CSMD2: variants seen among roughly 807,000 people sequenced by gnomAD.
The protein encoded by CSMD2 is CUB and Sushi multiple domains 2, also known as CUB and sushi domain-containing protein 2.
In CSMD2, 130 loss-of-function variants were observed where a neutral mutation model predicts 398.5. That is an observed-to-expected ratio of 0.33 (90% confidence interval 0.28 to 0.38). CSMD2 has a LOEUF of 0.38. CSMD2 is among the 10% of genes least tolerant of loss of function. The pLI is 1.00. For synonymous variants in CSMD2, 1,828 were observed against 1,908.5 expected (o/e 0.96, Z 1.10); for missense variants, 3,829 against 4,764.9 (o/e 0.80, Z 5.78).
intron 15 of CSMD2, among the ~76,000 whole-genome samples, chr1:33,727,916 C>T (rs1476399753): frequency 6.6e-6 from 1 of 152,160 alleles, no homozygotes; most frequent in East Asian, 1.9e-4. Flanking sequence ...ACTGCCATCA[C>T]CACTGCCATT....
At chr1:33,683,180 T>C (rs1644962100) in intron 25 of CSMD2, among the ~76,000 whole-genome samples, 1 of 152,126 alleles carries the variant, frequency 6.6e-6, no homozygotes, top group Non-Finnish European at 1.5e-5. Flanking sequence ...TTCGCATTCC[T>C]TTCTTACCTT....
intron 48 of CSMD2, among the ~76,000 whole-genome samples, chr1:33,579,587 C>T (rs897900953): frequency 1.2e-4 from 18 of 152,028 alleles, no homozygotes; most frequent in Non-Finnish European, 2.2e-4. Flanking sequence ...GCTGGTCTTG[C>T]AAGTAGGAGA....
In CSMD2 at chr1:33,818,865, G is replaced by A. The variant is rs16835955; in HGVS notation, c.1324+848C>T. 5.6e-3 allele frequency among the ~76,000 whole-genome samples: 854 copies of A among 152,286 alleles called. 6 individuals are homozygous for A. The highest frequency in any genetic ancestry group is 0.02 in the African/African-American group (828 of 41,550). Reference sequence around the variant, plus strand: ...TTTCCTGGATCCTCTTACTCTGCATGAATTTTATCTTGATGCATATGCCAA... The same window carrying A: ...TTTCCTGGATCCTCTTACTCTGCATAAATTTTATCTTGATGCATATGCCAA... On this transcript the variant is annotated intron_variant, in intron 9 of 70. Coordinates refer to ENST00000373381, the MANE Select transcript of CSMD2 (RefSeq NM_001281956.2).
chr1:34,154,516 C>T (rs1010065499), intron 1 of CSMD2, among the ~76,000 whole-genome samples: 11 of 151,956 alleles, frequency 7.2e-5, no homozygotes, highest in South Asian at 4.2e-4. Flanking sequence ...GGAACAGATA[C>T]GTAAAACGTG....
chr1:33,887,399 T>C (rs1362133313), intron 5 of CSMD2, among the ~76,000 whole-genome samples: 2 of 152,142 alleles, frequency 1.3e-5, no homozygotes, highest in Non-Finnish European at 2.9e-5. Flanking sequence ...GGGTTTATAA[T>C]AACAGAGAAA....
Position 34,035,522 on chromosome 1 carries a change from G to T in CSMD2, c.405-2816C>A, listed in dbSNP as rs182746913. Among the ~76,000 whole-genome samples the T allele has an allele frequency of 2.0e-4, 31 of 152,276 alleles. No homozygotes were observed. In the East Asian group the frequency reaches 5.0e-3, roughly 25 times the overall value. Reference sequence around the variant, plus strand: ...TTTTACACCATAACCAAGTGGGGTTGTGTCTAAAGATGCAAGGCTGGTTCA... The same window carrying T: ...TTTTACACCATAACCAAGTGGGGTTTTGTCTAAAGATGCAAGGCTGGTTCA... On this transcript the variant is annotated intron_variant, in intron 2 of 70. Coordinates refer to ENST00000373381, the MANE Select transcript of CSMD2 (RefSeq NM_001281956.2).
rs755473227 is a variant in CSMD2, at chr1:33,751,523, T to C, written c.1847-7917A>G. Among the ~76,000 whole-genome samples, 73 of 151,992 alleles carry C rather than the reference T, an allele frequency of 4.8e-4. 1 individual carries two copies. Among genetic ancestry groups the C allele is most frequent in the Non-Finnish European group, 9.1e-4 (62 of 68,006 alleles). On this transcript the variant is annotated intron_variant, in intron 13 of 70. Transcript: ENST00000373381. ...TAACAGGGTACTGGGAGGTGAGAAA[T>C]GAACACAGCAAGGGTACATAGACAT...
intron 32 of CSMD2, among the ~76,000 whole-genome samples, chr1:33,627,442 C>A (rs911054602): frequency 1.3e-5 from 2 of 152,116 alleles, no homozygotes; most frequent in African/African-American, 4.8e-5. Context: ...CTGCTGCCCC[C>A]CTGCAGCCTC....
In CSMD2 at chr1:33,743,434, G is replaced by T; in HGVS notation, c.2019C>A (p.Val673=). 1.2e-6 allele frequency: 2 copies of T among 1,614,224 alleles called. No individual in the cohort carries two copies. The highest frequency in any genetic ancestry group is 2.2e-5 in the South Asian group (2 of 91,068). ...IDVEPQFDFL[V]IKDGATAEAP... The stretch of plus-strand genomic sequence containing the variant: ...CCTCGGCGGTGGCCCCATCCTTGAT[G>T]ACCAGGAAATCAAACTGAGGCTCCA... Residue 673 remains valine (V), a synonymous_variant, in exon 14 of 71, where the codon GTC becomes GTA. Transcript: ENST00000373381.
intron 6 of CSMD2, among the ~76,000 whole-genome samples, chr1:33,833,873 C>A (rs1659916724): frequency 6.6e-6 from 1 of 151,224 alleles, no homozygotes; most frequent in African/African-American, 2.4e-5. Flanking sequence ...AACAGAGAGC[C>A]AAATCATGAG....
chr1:33,626,720 A>G, intron 32 of CSMD2, 139 bp from the exon 33 acceptor site: 1 of 596,894 alleles, frequency 1.7e-6, no homozygotes, highest in African/African-American at 1.9e-5. Context: ...CCTGAAATAA[A>G]ATCTCACGTA....
At chr1:33,622,030 A>G in intron 37 of CSMD2, 137 bp downstream of exon 37, 1 of 703,264 alleles carries the variant, frequency 1.4e-6, no homozygotes, top group Non-Finnish European at 2.5e-6. Context: ...GGGCTTTAGC[A>G]TCTTCACCTA....
At chr1:33,879,624 T>G (rs899135799) in intron 5 of CSMD2, among the ~76,000 whole-genome samples, 1 of 152,226 alleles carries the variant, frequency 6.6e-6, no homozygotes, top group Non-Finnish European at 1.5e-5. Context: ...GGGTGGCTGA[T>G]AGCAAGCATT....
At chr1:33,768,088 T>C (rs1650747929) in intron 13 of CSMD2, among the ~76,000 whole-genome samples, 1 of 152,228 alleles carries the variant, frequency 6.6e-6, no homozygotes, top group Admixed American at 6.5e-5. Flanking sequence ...GGAGGACTCA[T>C]ATATTCCCAA....
chr1:33,969,962 C>T (rs747403977), intron 3 of CSMD2, among the ~76,000 whole-genome samples: 9 of 151,922 alleles, frequency 5.9e-5, no homozygotes, highest in African/African-American at 1.5e-4. Flanking sequence ...AAGATTCAAC[C>T]GGGCGTGGTG....
chr1:33,560,810 A>C (rs1169754209), intron 53 of CSMD2, among the ~76,000 whole-genome samples: 1 of 152,222 alleles, frequency 6.6e-6, no homozygotes, highest in East Asian at 1.9e-4. Context: ...TTATTGCTGC[A>C]TCCTTGGTGT....
chr1:33,716,153 C>G (rs1646160400), intron 20 of CSMD2, 133 bp downstream of exon 20: 6 of 715,352 alleles, frequency 8.4e-6, no homozygotes, highest in Non-Finnish European at 1.4e-5. Context: ...TTTGCTGAAG[C>G]ACTAAGGTCA....
intron 20 of CSMD2, among the ~76,000 whole-genome samples, chr1:33,715,210 T>C (rs1488022465): frequency 6.6e-6 from 1 of 152,180 alleles, no homozygotes; most frequent in Non-Finnish European, 1.5e-5. Flanking sequence ...TCCTTGTCTC[T>C]GGGCAACAAA....
intron 1 of CSMD2, among the ~76,000 whole-genome samples, chr1:34,112,410 A>C (rs1162603385): frequency 2.6e-5 from 4 of 152,168 alleles, no homozygotes; most frequent in African/African-American, 7.2e-5. Flanking sequence ...AACCGCCTCC[A>C]CACTGCAGCA....
Sources: allele counts gnomAD v4.1 joint callset (sites outside exome capture counted in the v4.1 genomes callset), GRCh38; gene constraint gnomAD v4.1.1; transcripts MANE v1.5; gene names NCBI Gene and HGNC (gene_info 2026-07-23, HGNC 2026-07-21).